CNTN3: variants seen among roughly 807,000 people sequenced by gnomAD.
CNTN3 encodes the protein contactin-3.
Under a neutral mutation model 119.1 loss-of-function variants are expected in CNTN3, and 60 were observed. The ratio of observed to expected loss-of-function variants is 0.50; its 90% confidence interval spans 0.41 to 0.62. The LOEUF (loss-of-function observed/expected upper bound fraction) is 0.62, where lower values mean the gene tolerates loss of function less well. Among genes scored for constraint, CNTN3 ranks in the 20% least tolerant of loss-of-function variants. The pLI, the probability that CNTN3 is intolerant of heterozygous loss-of-function variation, is 0.00. For missense variants in CNTN3, 1,101 were observed against 1,242.4 expected, an observed-to-expected ratio of 0.89 and a Z score of 1.71; for synonymous variants, 450 against 438.7, an observed-to-expected ratio of 1.03 and a Z score of -0.32.
intron 1 of CNTN3, among the ~76,000 whole-genome samples, chr3:74,603,142 T>C (rs888996254): frequency 1.3e-5 from 2 of 152,154 alleles, no homozygotes; most frequent in African/African-American, 2.4e-5. Context: ...ATAAATTACA[T>C]GCACAGAGTT....
chr3:74,543,152 T>C (rs929298343), intron 1 of CNTN3, among the ~76,000 whole-genome samples: 1 of 152,012 alleles, frequency 6.6e-6, no homozygotes, highest in Non-Finnish European at 1.5e-5. Context: ...AAAAATTGTG[T>C]ATTAAGTTTC....
intron 13 of CNTN3, among the ~76,000 whole-genome samples, chr3:74,326,245 T>A (rs1253244181): frequency 2.0e-5 from 3 of 152,162 alleles, no homozygotes; most frequent in Admixed American, 2.0e-4. Flanking sequence ...AATTTATCTA[T>A]CTTTTCAGGG....
At chr3:74,417,166 C>T (rs1701536929) in intron 5 of CNTN3, among the ~76,000 whole-genome samples, 1 of 152,042 alleles carries the variant, frequency 6.6e-6, no homozygotes, top group Non-Finnish European at 1.5e-5. Context: ...ATAATAATGG[C>T]ACCTATTATT....
intron 1 of CNTN3, among the ~76,000 whole-genome samples, chr3:74,536,703 C>T (rs993443609): frequency 1.1e-4 from 16 of 152,082 alleles, no homozygotes; most frequent in African/African-American, 3.9e-4. Context: ...TAAGGTACTA[C>T]CATGTGGACA....
At chr3:74,455,475 C>T (rs1217952885) in intron 4 of CNTN3, among the ~76,000 whole-genome samples, 2 of 152,014 alleles carry the variant, frequency 1.3e-5, no homozygotes, top group Admixed American at 6.6e-5. Flanking sequence ...GTAGTTTGAT[C>T]GTCTGAAGCC....
intron 1 of CNTN3, among the ~76,000 whole-genome samples, chr3:74,539,163 C>T (rs1703805736): frequency 6.6e-6 from 1 of 152,100 alleles, no homozygotes; most frequent in Non-Finnish European, 1.5e-5. Context: ...ATATCTAGCA[C>T]AGGATAGATG....
At chr3:74,267,599 T>G (rs965986795) in intron 20 of CNTN3, 1 of 463,056 alleles carries the variant, frequency 2.2e-6, no homozygotes, top group Admixed American at 3.4e-5. Flanking sequence ...TGACACGTAA[T>G]TTATTCATGT....
At chr3:74,333,558 G>T (rs1703319757) in intron 13 of CNTN3, among the ~76,000 whole-genome samples, 1 of 152,108 alleles carries the variant, frequency 6.6e-6, no homozygotes, top group Admixed American at 6.6e-5. Flanking sequence ...TGTCCAAATG[G>T]CCTTCTTTTT....
intron 13 of CNTN3, among the ~76,000 whole-genome samples, chr3:74,319,938 C>T (rs1350258306): frequency 3.3e-5 from 5 of 152,210 alleles, no homozygotes; most frequent in South Asian, 4.1e-4. Context: ...CACTGGCCAT[C>T]GGAGAAATGC....
chr3:74,514,843 T>C (rs566698948), intron 2 of CNTN3, among the ~76,000 whole-genome samples: 125 of 152,096 alleles, frequency 8.2e-4, no homozygotes, highest in Admixed American at 2.6e-4. Flanking sequence ...ATAAATTGTT[T>C]TACATACCTA....
chr3:74,548,403 A>T (rs1703944023), intron 1 of CNTN3, among the ~76,000 whole-genome samples: 1 of 152,164 alleles, frequency 6.6e-6, no homozygotes, highest in African/African-American at 2.4e-5. Flanking sequence ...AAGGAATGGC[A>T]ACTGAACATT....
intron 2 of CNTN3, among the ~76,000 whole-genome samples, chr3:74,510,722 T>C (rs2107103093): frequency 6.6e-6 from 1 of 152,248 alleles, no homozygotes. Flanking sequence ...TCCTACGGAA[T>C]GTATCTTTTG....
In CNTN3 at chr3:74,263,461, T is replaced by C. The variant is rs545239884; in HGVS notation, c.*940A>G. On this transcript the variant is annotated 3_prime_UTR_variant, in exon 23 of 23. Transcript: ENST00000263665. The stretch of plus-strand genomic sequence containing the variant: ...GTCATTCCTGATTTTTTCCTCTAGG[T>C]TTTAATAAAACCTGAAAGCTTATTC... 2 of 152,210 alleles carry C rather than the reference T, an allele frequency of 1.3e-5. No homozygotes were observed. The highest frequency in any genetic ancestry group is 4.8e-5 in the African/African-American group (2 of 41,558). 9.4% of individuals were successfully genotyped at this position (152,210 alleles called of 1,614,324 possible). A position where few individuals can be genotyped will look rare whatever the true frequency, so the allele number is the denominator to read the frequency against.
intron 11 of CNTN3, among the ~76,000 whole-genome samples, chr3:74,348,654 G>A (rs1027443379): frequency 1.3e-5 from 2 of 152,128 alleles, no homozygotes; most frequent in Non-Finnish European, 2.9e-5. Context: ...TCCAGCTGCT[G>A]TCTCCAGCCC....
intron 5 of CNTN3, among the ~76,000 whole-genome samples, chr3:74,423,943 G>A (rs1475868129): frequency 6.6e-6 from 1 of 152,188 alleles, no homozygotes; most frequent in Non-Finnish European, 1.5e-5. Context: ...TAATTTGTAT[G>A]TCACAGAACA....
intron 5 of CNTN3, among the ~76,000 whole-genome samples, chr3:74,381,124 G>A (rs1315036878): frequency 3.5e-5 from 5 of 142,238 alleles, no homozygotes; most frequent in Non-Finnish European, 7.6e-5. Context: ...ACACACGCAC[G>A]CACAGTACTT....
At position 74,367,833 on chromosome 3, in the gene CNTN3, C is replaced by T. The variant is rs143955773; in HGVS notation, c.946+1356G>A. On this transcript the variant is annotated intron_variant, in intron 8 of 22. Transcript: ENST00000263665. ...AAATATTTCTACTAAAACATTAATACAGTTGGAATATCCGGTGTGTTCCCA... is the reference window on the plus strand; with the variant it reads ...AAATATTTCTACTAAAACATTAATATAGTTGGAATATCCGGTGTGTTCCCA... Among the ~76,000 whole-genome samples the T allele has an allele frequency of 2.2e-4, 33 of 152,094 alleles. No homozygotes were observed. In the East Asian group the frequency reaches 4.6e-3, roughly 21 times the overall value.
intron 5 of CNTN3, among the ~76,000 whole-genome samples, chr3:74,410,737 G>A (rs1701423901): frequency 6.6e-6 from 1 of 152,062 alleles, no homozygotes; most frequent in Non-Finnish European, 1.5e-5. Context: ...GAAGATCAAT[G>A]ATTACAGATG....
intron 1 of CNTN3, among the ~76,000 whole-genome samples, chr3:74,570,059 G>GA (rs1187279162): frequency 5.3e-5 from 8 of 152,130 alleles, no homozygotes; most frequent in Admixed American, 2.0e-4. Context: ...AGCAGCCTGA[G>GA]AAAAACCTCT....
Sources: allele counts gnomAD v4.1 joint callset (sites outside exome capture counted in the v4.1 genomes callset), GRCh38; gene constraint gnomAD v4.1.1; transcripts MANE v1.5; gene names NCBI Gene and HGNC (gene_info 2026-07-23, HGNC 2026-07-21).